Variants in DOCK1 observed in about 807,000 individuals in gnomAD.
The protein encoded by DOCK1 is dedicator of cytokinesis protein 1.
In DOCK1, 138 loss-of-function variants were observed where a neutral mutation model predicts 262.7. The ratio of observed to expected loss-of-function variants is 0.53; its 90% CI spans 0.46 to 0.61. The LOEUF is 0.61. Among genes scored for constraint, DOCK1 ranks in the 20% least tolerant of loss-of-function variants. The pLI is 0.00. For missense variants in DOCK1, 1,908 were observed against 2,370.7 expected (o/e 0.80, Z 4.05); for synonymous variants, 866 against 867.4 (o/e 1.00, Z 0.03).
intron 7 of DOCK1, 116 bp from the exon 8 acceptor site, chr10:126,997,976 C>T: frequency 7.3e-7 from 1 of 1,371,630 alleles, no homozygotes; most frequent in South Asian, 1.4e-5. Flanking sequence ...GCACCAAGGC[C>T]TTTGCTGGGT....
intron 23 of DOCK1, among the ~76,000 whole-genome samples, chr10:127,078,446 G>C (rs1426157759): frequency 6.6e-6 from 1 of 152,098 alleles, no homozygotes; most frequent in East Asian, 1.9e-4. Flanking sequence ...CCACTCAGCT[G>C]CCTGGGAGAT....
chr10:127,098,448 C>T (rs1592016037), intron 23 of DOCK1, among the ~76,000 whole-genome samples: 1 of 152,318 alleles, frequency 6.6e-6, no homozygotes, highest in South Asian at 2.1e-4. Flanking sequence ...GCCACTGCTG[C>T]TGGTAGCTGT....
At position 127,274,481 on chromosome 10, in the gene DOCK1, C is replaced by T. The variant is rs117249963; in HGVS notation, c.3044+17052C>T. 2.3e-3 allele frequency among the ~76,000 whole-genome samples: 344 copies of T among 152,154 alleles called. 2 individuals carry two copies. In the East Asian group the frequency reaches 0.034, roughly 15 times the overall value. On this transcript the variant is annotated intron_variant, in intron 29 of 51. Transcript: ENST00000623213. ...GGAGATTTGTGTGCAAACTGGAGGGCCAGCGAGAGCCCTGGGGATAAGCTA... is the reference window on the plus strand; with the variant it reads ...GGAGATTTGTGTGCAAACTGGAGGGTCAGCGAGAGCCCTGGGGATAAGCTA...
chr10:126,920,417 C>T (rs570727954), intron 1 of DOCK1, among the ~76,000 whole-genome samples: 64 of 152,294 alleles, frequency 4.2e-4, no homozygotes, highest in Middle Eastern at 3.4e-3. Flanking sequence ...GCTTGAGTCA[C>T]GCTTCCAGCT....
intron 1 of DOCK1, among the ~76,000 whole-genome samples, chr10:126,938,094 T>A (rs1396713126): frequency 6.6e-6 from 1 of 151,880 alleles, no homozygotes; most frequent in African/African-American, 2.4e-5. Context: ...TCGCCCAGGC[T>A]GGAGTGCAAT....
At chr10:127,009,728 G>A (rs1164363252) in intron 11 of DOCK1, among the ~76,000 whole-genome samples, 7 of 152,048 alleles carry the variant, frequency 4.6e-5, no homozygotes, top group African/African-American at 7.2e-5. Flanking sequence ...GAAATTTTAC[G>A]GTTTTCAGCT....
Position 127,175,224 on chromosome 10 carries a change from GCCT to G in DOCK1, c.2847+47462_2847+47464del. 6.2e-7 allele frequency: 1 copy of G among 1,613,084 alleles called. No homozygotes were observed. The highest frequency in any genetic ancestry group is 1.1e-5 in the South Asian group (1 of 90,880). On this transcript the variant is annotated intron_variant, in intron 27 of 51. Coordinates refer to ENST00000623213, the MANE Select transcript of DOCK1 (RefSeq NM_001290223.2). The surrounding 1 kb of genome is among the most constrained non-coding windows in gnomAD (Gnocchi z 6.3). ...TGAACATACATACCCTTCCCGATGG[GCCT>G]CTCCTTTTTCCAACTCCTGAATGAC... is the stretch of plus-strand genomic sequence containing the variant.
chr10:126,954,664 C>T (rs892897349), intron 1 of DOCK1, among the ~76,000 whole-genome samples: 1 of 152,190 alleles, frequency 6.6e-6, no homozygotes, highest in Non-Finnish European at 1.5e-5. Flanking sequence ...CTAAGAACTT[C>T]GTGTAAGTAG....
chr10:127,271,226 ACTGT>A (rs995958126), intron 29 of DOCK1, among the ~76,000 whole-genome samples: 3 of 152,050 alleles, frequency 2.0e-5, no homozygotes, highest in Admixed American at 6.6e-5. Context: ...CCTGCTGGTG[ACTGT>A]CTGGGTAGCA....
chr10:127,196,775 C>CCGG (rs2057203788), intron 27 of DOCK1, among the ~76,000 whole-genome samples: 1 of 151,826 alleles, frequency 6.6e-6, no homozygotes. Flanking sequence ...CCGGCTGCCG[C>CCGG]CTGCGCGCGG....
rs188612124 is a variant in DOCK1 at position 127,426,036 on chromosome 10, T to A, written c.4914+25T>A. 8.1e-6 allele frequency: 13 copies of A among 1,612,668 alleles called. No individual in the cohort carries two copies. The East Asian group carries it at 2.7e-4, about 33-fold the overall frequency. ...GGTAAGAGGGTAGTATGCGTAGTGT[T>A]GCAGAAGAGTGGGTGTCTGGGCATC... On this transcript the variant is annotated intron_variant, in intron 47 of 51. Transcript: ENST00000623213.
intron 29 of DOCK1, among the ~76,000 whole-genome samples, chr10:127,261,175 G>A (rs1430403545): frequency 2.1e-5 from 3 of 141,306 alleles, no homozygotes; most frequent in Non-Finnish European, 4.5e-5. Context: ...GTGTGTCCCT[G>A]CATGTGTGTG....
At chr10:127,376,141 T>A (rs2065475162) in intron 35 of DOCK1, among the ~76,000 whole-genome samples, 1 of 152,200 alleles carries the variant, frequency 6.6e-6, no homozygotes, top group African/African-American at 2.4e-5. Flanking sequence ...GACCTGCAAT[T>A]TAAAACAGCT....
chr10:127,347,551 G>A (rs546585276), intron 31 of DOCK1, among the ~76,000 whole-genome samples: 7 of 152,222 alleles, frequency 4.6e-5, no homozygotes, highest in Admixed American at 1.3e-4. Context: ...CTGGGTTGTC[G>A]AAGTGTAAGG....
intron 29 of DOCK1, among the ~76,000 whole-genome samples, chr10:127,319,896 C>T (rs1001994200): frequency 7.2e-5 from 11 of 152,122 alleles, no homozygotes; most frequent in Admixed American, 2.0e-4. Context: ...GGGCAGAGGG[C>T]GAGGGCAAGA....
chr10:127,303,733 C>T (rs2061774121), intron 29 of DOCK1, among the ~76,000 whole-genome samples: 1 of 150,032 alleles, frequency 6.7e-6, no homozygotes, highest in African/African-American at 2.5e-5. Flanking sequence ...ATGGTGTGTG[C>T]CCGTAGTCCC....
chr10:127,168,941 C>A (rs189335230), intron 27 of DOCK1, among the ~76,000 whole-genome samples: 42 of 152,302 alleles, frequency 2.8e-4, no homozygotes, highest in African/African-American at 9.9e-4. Flanking sequence ...GTAATTAGAG[C>A]AAATTCAGAG....
intron 39 of DOCK1, 92 bp from the exon 40 acceptor site, chr10:127,404,233 T>G: frequency 9.6e-7 from 1 of 1,043,240 alleles, no homozygotes; most frequent in Non-Finnish European, 1.4e-6. Context: ...CTATAGAAGT[T>G]GCCAGAGCTT....
chr10:127,247,960 T>C (rs764924426), intron 27 of DOCK1, 48 bp from the exon 28 acceptor site: 1 of 1,580,208 alleles, frequency 6.3e-7, no homozygotes, highest in South Asian at 1.1e-5. Context: ...GCTTTTCCCA[T>C]GAGTGTTGCT....
Sources: allele counts gnomAD v4.1 joint callset (sites outside exome capture counted in the v4.1 genomes callset), GRCh38; gene constraint gnomAD v4.1.1; non-coding constraint Gnocchi (gnomAD v3.1); transcripts MANE v1.5; gene names NCBI Gene and HGNC (gene_info 2026-07-23, HGNC 2026-07-21).